Variants in ELAPOR2 observed in about 807,000 individuals in gnomAD.
ELAPOR2 encodes the protein endosome-lysosome associated apoptosis and autophagy regulator family member 2, also known as endosome/lysosome-associated apoptosis and autophagy regulator family member 2.
In ELAPOR2, 89 loss-of-function variants were observed where a neutral mutation model predicts 120.7. The ratio of observed to expected loss-of-function variants is 0.74; its 90% CI spans 0.62 to 0.88. The LOEUF (loss-of-function observed/expected upper bound fraction) is 0.88. ELAPOR2 is among the 40% of genes least tolerant of loss of function. The probability of loss-of-function intolerance (pLI) is 0.00; values close to 1 mark genes in which losing one functional copy is unlikely to be tolerated. For missense variants in ELAPOR2, 1,134 were observed against 1,251.6 expected (o/e 0.91, Z 1.42); for synonymous variants, 444 against 444.9 (o/e 1.00, Z 0.03).
intron 1 of ELAPOR2, among the ~76,000 whole-genome samples, chr7:86,972,935 G>A (rs1792154282): frequency 6.6e-6 from 1 of 151,984 alleles, no homozygotes; most frequent in Non-Finnish European, 1.5e-5. Flanking sequence ...ATTAACATTT[G>A]CATAACTCTG....
At chr7:87,010,721 C>T (rs1274227902) in intron 1 of ELAPOR2, among the ~76,000 whole-genome samples, 1 of 151,974 alleles carries the variant, frequency 6.6e-6, no homozygotes, top group Non-Finnish European at 1.5e-5. Flanking sequence ...TAAGACAATA[C>T]CTGCACTGTT....
At chr7:86,934,220 C>T (rs1250079468) in intron 8 of ELAPOR2, among the ~76,000 whole-genome samples, 1 of 151,934 alleles carries the variant, frequency 6.6e-6, no homozygotes, top group African/African-American at 2.4e-5. Flanking sequence ...CTCCTTGAGA[C>T]TTTCATAACC....
At chr7:86,938,352 C>G in intron 7 of ELAPOR2, 138 bp from the exon 8 acceptor site, 1 of 610,610 alleles carries the variant, frequency 1.6e-6, no homozygotes, top group East Asian at 2.8e-5. Flanking sequence ...CTACCTAGGT[C>G]TAAAGAAAAT....
intron 1 of ELAPOR2, among the ~76,000 whole-genome samples, chr7:86,971,656 A>C (rs1792111681): frequency 6.6e-6 from 1 of 152,222 alleles, no homozygotes; most frequent in Admixed American, 6.5e-5. Flanking sequence ...GAGCAGAGTA[A>C]AGGATTAAAA....
At chr7:86,921,097 G>A (rs1789809994) in intron 10 of ELAPOR2, among the ~76,000 whole-genome samples, 1 of 151,972 alleles carries the variant, frequency 6.6e-6, no homozygotes, top group South Asian at 2.1e-4. Context: ...GTTCCTTTTG[G>A]GAGCACCCCT....
chr7:86,929,130 C>G (rs1320620441), intron 8 of ELAPOR2, among the ~76,000 whole-genome samples: 1 of 151,388 alleles, frequency 6.6e-6, no homozygotes, highest in Non-Finnish European at 1.5e-5. Context: ...TCATATACAG[C>G]ATGAAAAAAA....
rs1799289182 is a variant in ELAPOR2, at chr7:86,879,284, C to T, written c.*1187G>A. The T allele has an allele frequency of 6.6e-6, 1 of 152,130 alleles. No individual in the cohort carries two copies. The highest frequency in any genetic ancestry group is 2.4e-5 in the African/African-American group (1 of 41,434). The allele number at this position is 152,130 out of a possible 1,614,324, so 9.4% of individuals were successfully genotyped here. A position where few individuals can be genotyped will look rare whatever the true frequency, so the allele number is the denominator to read the frequency against. On this transcript the variant is annotated 3_prime_UTR_variant, in exon 22 of 22. Coordinates refer to ENST00000450689, the MANE Select transcript of ELAPOR2 (RefSeq NM_001142749.3). ...AATAATATCCAAGTCGTGCTAATACCAGTAGCCCACCATAGAAAATATCAC... is the reference window on the plus strand; with the variant it reads ...AATAATATCCAAGTCGTGCTAATACTAGTAGCCCACCATAGAAAATATCAC...
chr7:86,918,499 T>C lies in ELAPOR2; in HGVS notation c.1536A>G (p.Arg512=), dbSNP rs144017162. The change falls in exon 12 of 22, where the codon AGA becomes AGG. Residue 512 remains arginine, a synonymous_variant. Transcript: ENST00000450689. ...AGAGGGTCTCAAAGACAAATGTTAT[T>C]CTTCCTAGTTCAGAACCCGTGGCTC... The part of the protein sequence containing the change: ...MTGATGSELG[R]ITFVFETLCS... The C allele has an allele frequency of 2.0e-5, 33 of 1,613,384 alleles. No individual in the cohort carries two copies. In the East Asian group the frequency reaches 6.9e-4, roughly 34 times the overall value.
chr7:86,952,220 G>C (rs1353205229), intron 2 of ELAPOR2, among the ~76,000 whole-genome samples: 1 of 152,146 alleles, frequency 6.6e-6, no homozygotes, highest in Admixed American at 6.5e-5. Flanking sequence ...AGTCAAATTT[G>C]CAAATATTGA....
intron 5 of ELAPOR2, among the ~76,000 whole-genome samples, chr7:86,940,703 T>C: frequency 6.6e-6 from 1 of 152,052 alleles, no homozygotes; most frequent in East Asian, 1.9e-4. Context: ...TCAAACTAAT[T>C]TTCTCATAAA....
intron 21 of ELAPOR2, among the ~76,000 whole-genome samples, chr7:86,889,359 C>T (rs1210535328): frequency 6.6e-6 from 1 of 151,876 alleles, no homozygotes; most frequent in Non-Finnish European, 1.5e-5. Flanking sequence ...TGACAAAAAT[C>T]AGAGATACAG....
At chr7:87,058,512 A>G (rs1562990513) in intron 1 of ELAPOR2, among the ~76,000 whole-genome samples, 1 of 152,118 alleles carries the variant, frequency 6.6e-6, no homozygotes, top group Non-Finnish European at 1.5e-5. Flanking sequence ...ACAAGAACCA[A>G]TGACACCCCC....
At chr7:86,943,182 T>C (rs1790870978) in intron 4 of ELAPOR2, among the ~76,000 whole-genome samples, 1 of 151,848 alleles carries the variant, frequency 6.6e-6, no homozygotes, top group Non-Finnish European at 1.5e-5. Flanking sequence ...AACTGAAAGC[T>C]TTTTTTATCA....
rs139573571 is a variant in ELAPOR2 at position 87,032,765 on chromosome 7, G to A, written c.189+26560C>T. Reference sequence around the variant, plus strand: ...GAGATCCTCAAAGTTCATCAGCATAGCATAAAAAGGAAGTTTCTCAGACAA... The same window carrying A: ...GAGATCCTCAAAGTTCATCAGCATAACATAAAAAGGAAGTTTCTCAGACAA... On this transcript the variant is annotated intron_variant, in intron 1 of 21. Coordinates refer to ENST00000450689, the MANE Select transcript of ELAPOR2 (RefSeq NM_001142749.3). 3.5e-4 allele frequency among the ~76,000 whole-genome samples: 53 copies of A among 152,228 alleles called. No individual in the cohort carries two copies. In the East Asian group the frequency reaches 5.2e-3, roughly 15 times the overall value.
At chr7:86,900,337 C>A (rs1168754153) in intron 18 of ELAPOR2, among the ~76,000 whole-genome samples, 1 of 152,162 alleles carries the variant, frequency 6.6e-6, no homozygotes, top group African/African-American at 2.4e-5. Flanking sequence ...CTACAAATGA[C>A]TTAACTCCTT....
chr7:86,932,435 TC>T (rs1034676532), intron 8 of ELAPOR2, among the ~76,000 whole-genome samples: 3 of 151,700 alleles, frequency 2.0e-5, no homozygotes, highest in African/African-American at 7.3e-5. Flanking sequence ...TGTATAATCA[TC>T]CCCAAGCACC....
chr7:86,955,932 G>C lies in ELAPOR2; in HGVS notation c.311-8010C>G, dbSNP rs572461067. 9.6e-4 allele frequency among the ~76,000 whole-genome samples: 129 copies of C among 133,860 alleles called. 1 individual carries two copies. Among genetic ancestry groups the C allele is most frequent in the African/African-American group, 3.6e-3 (126 of 35,154 alleles). 87.8% of individuals were successfully genotyped at this position (133,860 alleles called of 152,430 possible). A position where few individuals can be genotyped will look rare whatever the true frequency, so the allele number is the denominator to read the frequency against. On this transcript the variant is annotated intron_variant, in intron 2 of 21. Transcript: ENST00000450689. Reference sequence around the variant, plus strand: ...CACTGTCTTCAAGTGAAAAATAATAGCATTAGAAAAGAACTCTGCAAAAAA... The same window carrying C: ...CACTGTCTTCAAGTGAAAAATAATACCATTAGAAAAGAACTCTGCAAAAAA...
chr7:86,996,631 C>A (rs1793134378), intron 1 of ELAPOR2, among the ~76,000 whole-genome samples: 1 of 152,138 alleles, frequency 6.6e-6, no homozygotes, highest in Non-Finnish European at 1.5e-5. Flanking sequence ...ACTCTCATTT[C>A]TTAAAAGACC....
At position 86,900,362 on chromosome 7, in the gene ELAPOR2, A is replaced by G. The variant is rs78107553; in HGVS notation, c.2559-2730T>C. On this transcript the variant is annotated intron_variant, in intron 18 of 21. Coordinates refer to ENST00000450689, the MANE Select transcript of ELAPOR2 (RefSeq NM_001142749.3). The stretch of plus-strand genomic sequence containing the variant: ...CTTAACTCCTTCTTTCCCCTGCCAC[A>G]TTTTTGTAATTTGTCAAAATCAAAC... Among the ~76,000 whole-genome samples the G allele has an allele frequency of 6.5e-3, 983 of 152,272 alleles. 6 individuals carry two copies. The highest frequency in any genetic ancestry group is 0.022 in the African/African-American group (918 of 41,574).
Sources: allele counts gnomAD v4.1 joint callset (sites outside exome capture counted in the v4.1 genomes callset), GRCh38; gene constraint gnomAD v4.1.1; transcripts MANE v1.5; gene names NCBI Gene and HGNC (gene_info 2026-07-23, HGNC 2026-07-21).